OSBPL10: variants seen among roughly 807,000 people sequenced by gnomAD.
OSBPL10 encodes the protein oxysterol binding protein like 10, also known as oxysterol-binding protein-related protein 10.
A neutral mutation model predicts 81.7 loss-of-function variants in OSBPL10; 49 were observed. The ratio of observed to expected loss-of-function variants is 0.60; its 90% CI spans 0.48 to 0.76. The LOEUF is 0.76. Among genes scored for constraint, OSBPL10 ranks in the 30% least tolerant of loss-of-function variants. The probability of loss-of-function intolerance (pLI) is 0.00; values close to 1 mark genes in which losing one functional copy is unlikely to be tolerated. For synonymous variants in OSBPL10, 419 were observed against 383.6 expected, an observed-to-expected ratio of 1.09 and a Z score of -1.08; for missense variants, 923 against 987.8, an observed-to-expected ratio of 0.93 and a Z score of 0.88.
intron 1 of OSBPL10, among the ~76,000 whole-genome samples, chr3:31,905,345 ATTTTTTTTT>A (rs386396290): frequency 2.1e-5 from 2 of 94,860 alleles, no homozygotes; most frequent in Non-Finnish European, 3.8e-5. Context: ...GAACCTGGTG[ATTTTTTTTT>A]TTTTTTTTTT....
chr3:31,826,674 C>G lies in OSBPL10; in HGVS notation c.729+3366G>C, dbSNP rs114745941. Among the ~76,000 whole-genome samples the G allele has an allele frequency of 7.6e-3, 1,154 of 152,266 alleles. 16 individuals are homozygous for G. The highest frequency in any genetic ancestry group is 0.026 in the African/African-American group (1,071 of 41,546). On this transcript the variant is annotated intron_variant, in intron 4 of 11. Coordinates refer to ENST00000396556, the MANE Select transcript of OSBPL10 (RefSeq NM_017784.5). ...TAAAAATCCTATTCCATTTTCTTCT[C>G]GTTATTTTATAGATAAATACAGTGG...
At chr3:31,905,944 A>C (rs1379913572) in intron 1 of OSBPL10, among the ~76,000 whole-genome samples, 3 of 151,872 alleles carry the variant, frequency 2.0e-5, no homozygotes, top group Non-Finnish European at 4.4e-5. Context: ...ATATATTCAG[A>C]TCCAGCCTGA....
At chr3:31,747,579 G>C (rs1057378815) in intron 5 of OSBPL10, among the ~76,000 whole-genome samples, 10 of 150,746 alleles carry the variant, frequency 6.6e-5, no homozygotes, top group Non-Finnish European at 1.2e-4. Context: ...AAGTCTGAAA[G>C]GTGTTCCATA....
intron 5 of OSBPL10, among the ~76,000 whole-genome samples, chr3:31,736,005 G>A (rs12636229): frequency 0.41 from 62,816 of 151,948 alleles, 13,354 homozygotes; most frequent in East Asian, 0.65. Flanking sequence ...AGAAATCGGA[G>A]ACAGAAAACT....
intron 4 of OSBPL10, among the ~76,000 whole-genome samples, chr3:31,805,489 T>G (rs1298966294): frequency 6.6e-6 from 1 of 152,188 alleles, no homozygotes; most frequent in East Asian, 1.9e-4. Context: ...ACATTCTCCC[T>G]TCACGCAAAT....
intron 5 of OSBPL10, 60 bp downstream of exon 5, chr3:31,747,850 G>A: frequency 1.3e-6 from 2 of 1,509,258 alleles, no homozygotes; most frequent in Non-Finnish European, 1.8e-6. Context: ...GGAAGACAGT[G>A]GGACACAGAC....
In OSBPL10 at chr3:31,727,646, C is replaced by T. The variant is rs978230049; in HGVS notation, c.1095+5611G>A. On this transcript the variant is annotated intron_variant, in intron 6 of 11. Transcript: ENST00000396556. ...TGATAGCTATACCTCACTCTTCAAACTGTTGACCACAAATAAATATGTGCC... is the reference window on the plus strand; with the variant it reads ...TGATAGCTATACCTCACTCTTCAAATTGTTGACCACAAATAAATATGTGCC... Among the ~76,000 whole-genome samples, 7 of 152,316 alleles carry T rather than the reference C, an allele frequency of 4.6e-5. 2 individuals are homozygous for T. The highest frequency in any genetic ancestry group is 2.0e-4 in the Admixed American group (3 of 15,292).
chr3:31,953,009 T>A (rs1297116797), intron 1 of OSBPL10, among the ~76,000 whole-genome samples: 3 of 149,570 alleles, frequency 2.0e-5, no homozygotes, highest in South Asian at 2.1e-4. Context: ...CTCGGCTCAC[T>A]GCAACCTCCG....
chr3:31,907,619 CAAAAAAAAAAAAAAAAAAAA>C (rs142840420), intron 1 of OSBPL10, among the ~76,000 whole-genome samples: 1 of 63,864 alleles, frequency 1.6e-5, no homozygotes, highest in Non-Finnish European at 2.6e-5. Flanking sequence ...ACCTCCATCT[CAAAAAAAAAAAAAAAAAAAA>C]AAAAAAAAAA....
intron 1 of OSBPL10, among the ~76,000 whole-genome samples, chr3:31,947,148 G>A (rs987287346): frequency 1.1e-4 from 17 of 152,304 alleles, no homozygotes; most frequent in African/African-American, 4.1e-4. Context: ...ACAACTCAGT[G>A]GACATCAGAA....
intron 1 of OSBPL10, among the ~76,000 whole-genome samples, chr3:31,963,658 T>G (rs992932645): frequency 1.3e-5 from 2 of 152,148 alleles, no homozygotes; most frequent in African/African-American, 4.8e-5. Context: ...AAATTCTCAT[T>G]AAAATTCCTT....
At chr3:31,900,503 T>C (rs899994243) in intron 1 of OSBPL10, among the ~76,000 whole-genome samples, 1 of 152,194 alleles carries the variant, frequency 6.6e-6, no homozygotes, top group African/African-American at 2.4e-5. Context: ...AGACCCATTG[T>C]TCCCCAAGAC....
chr3:31,875,960 GAATA>G (rs1701459775), intron 3 of OSBPL10, among the ~76,000 whole-genome samples: 1 of 152,096 alleles, frequency 6.6e-6, no homozygotes, highest in African/African-American at 2.4e-5. Flanking sequence ...CCCCAGGAGA[GAATA>G]AATCATACTT....
chr3:31,989,033 C>T lies in OSBPL10; in HGVS notation n.298+57458G>A, dbSNP rs180756615. 52 of 1,602,450 alleles carry T rather than the reference C, an allele frequency of 3.2e-5. 1 individual carries two copies. The South Asian group carries it at 4.6e-4, about 14-fold the overall frequency. On this transcript the variant is annotated intron_variant and non_coding_transcript_variant, in intron 2 of 3. Transcript: ENST00000479173. Reference sequence around the variant, plus strand: ...AACTAATACAGAGCAGGAAGCAGATCGCCTCAGTGAAGGTCACACTGCAGC... The same window carrying T: ...AACTAATACAGAGCAGGAAGCAGATTGCCTCAGTGAAGGTCACACTGCAGC...
intron 1 of OSBPL10, among the ~76,000 whole-genome samples, chr3:31,882,205 G>C (rs773377244): frequency 6.6e-6 from 1 of 152,200 alleles, no homozygotes; most frequent in East Asian, 1.9e-4. Flanking sequence ...ATTCCTCTAA[G>C]AAATCGTCCA....
At chr3:32,054,127 G>C (rs1699689459) in intron 1 of OSBPL10, among the ~76,000 whole-genome samples, 1 of 152,286 alleles carries the variant, frequency 6.6e-6, no homozygotes, top group South Asian at 2.1e-4. Context: ...AAATTTTTGA[G>C]TTATCATTTT....
rs556517586 is a variant in OSBPL10 at position 32,074,999 on chromosome 3, G to A, written n.185+2397C>T. ...ATGAACAACTGCGGGTCCCCCTCAT[G>A]ACGCCAACACGACCAAAAAGAGTCA... On this transcript the variant is annotated intron_variant and non_coding_transcript_variant, in intron 1 of 3. Transcript: ENST00000479173. Among the ~76,000 whole-genome samples, 247 of 152,276 alleles carry A rather than the reference G, an allele frequency of 1.6e-3. 1 individual carries two copies. The highest frequency in any genetic ancestry group is 5.8e-3 in the African/African-American group (241 of 41,554).
Position 31,738,210 on chromosome 3 carries a change from G to T in OSBPL10, c.941-4799C>A, listed in dbSNP as rs138430349. On this transcript the variant is annotated intron_variant, in intron 5 of 11. Coordinates refer to ENST00000396556, the MANE Select transcript of OSBPL10 (RefSeq NM_017784.5). ...TCAATGGGAAAAAAATGCACATCTA[G>T]ATGCAGCTTGGCAATATTTTCTCCG... Among the ~76,000 whole-genome samples, 660 of 152,196 alleles carry T rather than the reference G, an allele frequency of 4.3e-3. 8 individuals carry two copies. Among genetic ancestry groups the T allele is most frequent in the African/African-American group, 0.015 (643 of 41,526 alleles).
At chr3:31,832,147 T>C (rs901658050) in intron 3 of OSBPL10, among the ~76,000 whole-genome samples, 6 of 152,212 alleles carry the variant, frequency 3.9e-5, no homozygotes, top group African/African-American at 9.6e-5. Flanking sequence ...ATGCAAAATA[T>C]AGCTTTTCCA....
Sources: gnomAD v4.1 joint callset for allele counts (sites outside exome capture counted in the v4.1 genomes callset) on GRCh38, gnomAD v4.1.1 for gene constraint, MANE v1.5 for transcripts, NCBI Gene and HGNC (gene_info 2026-07-23, HGNC 2026-07-21) for gene names.